ANKEF1: variants seen among roughly 807,000 people sequenced by gnomAD.
The protein encoded by ANKEF1 is ankyrin repeat and EF-hand domain containing 1, also known as ankyrin repeat and EF-hand domain-containing protein 1.
A neutral mutation model predicts 65.1 loss-of-function variants in ANKEF1; 43 were observed. The ratio of observed to expected loss-of-function variants is 0.66; its 90% CI spans 0.52 to 0.85. The LOEUF (loss-of-function observed/expected upper bound fraction) is 0.85, where lower values mean the gene tolerates loss of function less well. Ranked by LOEUF, ANKEF1 falls within the 40% of genes least tolerant of loss-of-function variation. The probability of loss-of-function intolerance (pLI) is 0.00; values close to 1 mark genes in which losing one functional copy is unlikely to be tolerated. For missense variants in ANKEF1, 934 were observed against 952.9 expected, an observed-to-expected ratio of 0.98 and a Z score of 0.26; for synonymous variants, 316 against 341.5, an observed-to-expected ratio of 0.93 and a Z score of 0.82.
intron 9 of ANKEF1, 81 bp from the exon 10 acceptor site, chr20:10,054,381 A>G: frequency 8.7e-7 from 1 of 1,150,528 alleles, no homozygotes; most frequent in Non-Finnish European, 1.2e-6. Context: ...CTGGCTTCAG[A>G]GTAAGATGTG....
At chr20:10,053,336 A>G in intron 9 of ANKEF1, 61 bp downstream of exon 9, 2 of 1,469,578 alleles carry the variant, frequency 1.4e-6, no homozygotes, top group Non-Finnish European at 1.8e-6. Flanking sequence ...TGTTTGGGGG[A>G]AGGCAGAAGC....
At chr20:10,043,861 C>A (rs1984351008) in intron 4 of ANKEF1, among the ~76,000 whole-genome samples, 1 of 151,850 alleles carries the variant, frequency 6.6e-6, no homozygotes, top group Admixed American at 6.6e-5. Context: ...CAGGGTTTTA[C>A]CATGTTGGCC....
chr20:10,038,735 T>C (rs1247323195), intron 3 of ANKEF1, 88 bp downstream of exon 3: 43 of 1,006,616 alleles, frequency 4.3e-5, no homozygotes, highest in Non-Finnish European at 6.1e-5. Flanking sequence ...TTTCCAACTT[T>C]AGAAGTGAAT....
intron 8 of ANKEF1, among the ~76,000 whole-genome samples, chr20:10,052,324 C>CA (rs3062976): frequency 6.6e-6 from 1 of 151,610 alleles, no homozygotes; most frequent in African/African-American, 2.4e-5. Flanking sequence ...GCAGATGACA[C>CA]TGAGTTATTA....
At chr20:10,055,410 T>TA in intron 10 of ANKEF1, 92 bp from the exon 11 acceptor site, 1 of 1,205,664 alleles carries the variant, frequency 8.3e-7, no homozygotes, top group Non-Finnish European at 1.2e-6. Context: ...ATTTTTAAGT[T>TA]AAAACTGTGT....
Position 10,043,104 on chromosome 20 carries a change from G to GATTTT in ANKEF1, c.347-13_347-9dup, listed in dbSNP as rs771205746. 5 of 1,611,366 alleles carry GATTTT rather than the reference G, an allele frequency of 3.1e-6. No individual in the cohort carries two copies. The highest frequency in any genetic ancestry group is 4.2e-6 in the Non-Finnish European group (5 of 1,178,224). ...GTATAGATGTTAAATACTCTCTGGG[G>GATTTT]ATTTTATTTCTCTGCAGGTGTTTTG... On this transcript the variant is annotated splice_polypyrimidine_tract_variant and intron_variant, in intron 3 of 10. Transcript: ENST00000378392.
rs376410974 is a variant in ANKEF1, at chr20:10,045,610, G to T, written c.733G>T (p.Gly245Trp). 4.3e-6 allele frequency: 7 copies of T among 1,613,616 alleles called. No individual in the cohort carries two copies. The highest frequency in any genetic ancestry group is 5.9e-6 in the Non-Finnish European group (7 of 1,179,798). The change falls in exon 6 of 11, where the codon GGG (glycine) becomes TGG (tryptophan). Residue 245 changes from glycine (G) to tryptophan (W), a missense_variant. Coordinates refer to ENST00000378392, the MANE Select transcript of ANKEF1 (RefSeq NM_022096.6). ...KLLFAYNGDV[G>W]LISINGNTPL... ...TCTTTTTGCCTACAATGGAGACGTG[G>T]GGCTGATTTCGATAAATGGGAACAC... is the stretch of plus-strand genomic sequence containing the variant.
At chr20:10,042,182 A>G (rs1984232778) in intron 3 of ANKEF1, among the ~76,000 whole-genome samples, 2 of 152,180 alleles carry the variant, frequency 1.3e-5, no homozygotes, top group Non-Finnish European at 2.9e-5. Context: ...ATTCAGGTCT[A>G]TCTTTGCACT....
chr20:10,048,951 T>G (rs1355753514), intron 6 of ANKEF1, among the ~76,000 whole-genome samples: 2 of 152,202 alleles, frequency 1.3e-5, no homozygotes. Flanking sequence ...ACAGTTTAAA[T>G]CATTCAAAAG....
intron 4 of ANKEF1, 122 bp downstream of exon 4, chr20:10,043,443 G>A: frequency 3.4e-6 from 3 of 875,522 alleles, no homozygotes; most frequent in Non-Finnish European, 5.3e-6. Flanking sequence ...GATTCAAAAT[G>A]CTTGAAGATG....
intron 3 of ANKEF1, among the ~76,000 whole-genome samples, chr20:10,042,609 A>G (rs1207621482): frequency 6.6e-6 from 1 of 152,246 alleles, no homozygotes; most frequent in East Asian, 1.9e-4. Context: ...CTAAAATGGC[A>G]GAGGCACTTG....
chr20:10,055,948 G>T lies in ANKEF1; in HGVS notation c.*288G>T, dbSNP rs1985124401. The stretch of plus-strand genomic sequence containing the variant: ...ACGTTGCTGTCAAAAGATTTACCAG[G>T]TCTACACCATTATGCTTATTATTTT... On this transcript the variant is annotated 3_prime_UTR_variant, in exon 11 of 11. Transcript: ENST00000378392. 1 of 309,516 alleles carries T rather than the reference G, an allele frequency of 3.2e-6. No homozygotes were observed. Among genetic ancestry groups the T allele is most frequent in the Non-Finnish European group, 6.2e-6 (1 of 162,480 alleles). The allele number at this position is 309,516 out of a possible 1,614,324, so 19.2% of individuals were successfully genotyped here.
At chr20:10,040,471 GA>G (rs1289706139) in intron 3 of ANKEF1, among the ~76,000 whole-genome samples, 1 of 152,208 alleles carries the variant, frequency 6.6e-6, no homozygotes, top group African/African-American at 2.4e-5. Flanking sequence ...CAGTTTTACA[GA>G]ATATGGAGAA....
Position 10,049,863 on chromosome 20 carries a change from C to T in ANKEF1, c.1294C>T (p.Pro432Ser), listed in dbSNP as rs891399754. 2 of 1,614,156 alleles carry T rather than the reference C, an allele frequency of 1.2e-6. No individual in the cohort carries two copies. Among genetic ancestry groups the T allele is most frequent in the Non-Finnish European group, 8.5e-7 (1 of 1,180,022 alleles). ...AGGAAAGAAAGGGAAATTTGTCTTA[C>T]CCCTTCCAATCTGTGTCATTCCTGA... ...KKGKKGKFVL[P>S]LPICVIPEYA... The change falls in exon 7 of 11, where the codon CCC becomes TCC. Residue 432 changes from proline to serine, a missense_variant. Coordinates refer to ENST00000378392, the MANE Select transcript of ANKEF1 (RefSeq NM_022096.6).
rs1985253410 is a variant in ANKEF1, at chr20:10,057,842, G to GC, written c.*2186dup. 6.6e-6 allele frequency: 1 copy of GC among 152,064 alleles called. No individual in the cohort carries two copies. Among genetic ancestry groups the GC allele is most frequent in the Non-Finnish European group, 1.5e-5 (1 of 68,002 alleles). 9.4% of individuals were successfully genotyped at this position (152,064 alleles called of 1,614,324 possible). A position where few individuals can be genotyped will look rare whatever the true frequency, so the allele number is the denominator to read the frequency against. On this transcript the variant is annotated 3_prime_UTR_variant, in exon 11 of 11. Transcript: ENST00000378392. ...CCCAGGTCATGAAATACATTCGCTTGCCCCATCTCTTTAGTCTCTTTTAGT... is the reference window on the plus strand; with the variant it reads ...CCCAGGTCATGAAATACATTCGCTTGCCCCCATCTCTTTAGTCTCTTTTAGT...
Position 10,038,580 on chromosome 20 carries a change from T to A in ANKEF1, c.279T>A (p.His93Gln). ...TPTMRAAELG[H>Q]ELSMEILAKA... Reference sequence around the variant, plus strand: ...CAATGAGGGCTGCAGAACTGGGCCATGAATTGTCAATGGAAATATTAGCAA... The same window carrying A: ...CAATGAGGGCTGCAGAACTGGGCCAAGAATTGTCAATGGAAATATTAGCAA... Residue 93 changes from histidine to glutamine, a missense_variant, in exon 3 of 11, where the codon CAT (histidine) becomes CAA (glutamine). Physicochemically the swap from His to Gln is conservative, Grantham distance 24. Transcript: ENST00000378392. 1 of 1,614,124 alleles carries A rather than the reference T, an allele frequency of 6.2e-7. No homozygotes were observed. The highest frequency in any genetic ancestry group is 1.1e-5 in the South Asian group (1 of 91,048).
chr20:10,045,171 T>C (rs534419176), intron 5 of ANKEF1, among the ~76,000 whole-genome samples: 1 of 152,350 alleles, frequency 6.6e-6, no homozygotes, highest in South Asian at 2.1e-4. Flanking sequence ...AAACCACGTT[T>C]GGTAAAGAAT....
chr20:10,057,922 T>C lies in ANKEF1; in HGVS notation c.*2262T>C, dbSNP rs1985258382. The C allele has an allele frequency of 6.6e-6, 1 of 152,134 alleles. No individual in the cohort carries two copies. The highest frequency in any genetic ancestry group is 1.5e-5 in the Non-Finnish European group (1 of 68,018). The allele number at this position is 152,134 out of a possible 1,614,324, so 9.4% of individuals were successfully genotyped here. A position where few individuals can be genotyped will look rare whatever the true frequency, so the allele number is the denominator to read the frequency against. On this transcript the variant is annotated 3_prime_UTR_variant, in exon 11 of 11. Coordinates refer to ENST00000378392, the MANE Select transcript of ANKEF1 (RefSeq NM_022096.6). Reference sequence around the variant, plus strand: ...GTTTGTTTGTTTGTTTATGACAGTATATAAGAAGAACACAAGCCACTTTTA... The same window carrying C: ...GTTTGTTTGTTTGTTTATGACAGTACATAAGAAGAACACAAGCCACTTTTA...
intron 10 of ANKEF1, 40 bp from the exon 11 acceptor site, chr20:10,055,462 T>C (rs374335261): frequency 1.3e-4 from 201 of 1,597,510 alleles, no homozygotes; most frequent in Admixed American, 2.2e-4. Flanking sequence ...CTGGCTGTCA[T>C]ACTCATACCT....
Sources: gnomAD v4.1 joint callset for allele counts (sites outside exome capture counted in the v4.1 genomes callset) on GRCh38, gnomAD v4.1.1 for gene constraint, MANE v1.5 for transcripts, NCBI Gene and HGNC (gene_info 2026-07-23, HGNC 2026-07-21) for gene names.